CADPS2: variants seen among roughly 807,000 people sequenced by gnomAD.
CADPS2 encodes the protein calcium-dependent secretion activator 2.
CADPS2 carries 93 observed loss-of-function variants against 172.5 expected under a neutral mutation model. The observed-to-expected ratio is 0.54, with a 90% confidence interval of 0.46 to 0.64. The LOEUF is 0.64. Ranked by LOEUF, CADPS2 falls within the 30% of genes least tolerant of loss-of-function variation. CADPS2 has a pLI of 0.00. For missense variants in CADPS2, 1,420 were observed against 1,565.9 expected (o/e 0.91, Z 1.57); for synonymous variants, 546 against 555.2 (o/e 0.98, Z 0.23).
intron 2 of CADPS2, among the ~76,000 whole-genome samples, chr7:122,731,735 G>A (rs1403958209): frequency 6.6e-6 from 1 of 151,524 alleles, no homozygotes; most frequent in Non-Finnish European, 1.5e-5. Context: ...ACAACAATTA[G>A]GAACCGCAAA....
chr7:122,839,327 TAGA>T (rs1347032257), intron 1 of CADPS2, among the ~76,000 whole-genome samples: 2 of 152,016 alleles, frequency 1.3e-5, no homozygotes, highest in East Asian at 3.9e-4. Flanking sequence ...ATAAAAACCC[TAGA>T]AGAAAACCTA....
At chr7:122,567,152 T>G (rs995595471) in intron 7 of CADPS2, among the ~76,000 whole-genome samples, 1 of 152,160 alleles carries the variant, frequency 6.6e-6, no homozygotes, top group African/African-American at 2.4e-5. Flanking sequence ...GTTTCTTAAT[T>G]AATTATAGAT....
chr7:122,661,705 T>G (rs2080553078), intron 3 of CADPS2, among the ~76,000 whole-genome samples: 1 of 152,182 alleles, frequency 6.6e-6, no homozygotes, highest in African/African-American at 2.4e-5. Context: ...TTATATAGAC[T>G]TTAGCCACTA....
chr7:122,845,956 A>C (rs1811884034), intron 1 of CADPS2, among the ~76,000 whole-genome samples: 1 of 152,218 alleles, frequency 6.6e-6, no homozygotes, highest in African/African-American at 2.4e-5. Context: ...CTCATTCAAC[A>C]CAATGGTTAA....
intron 12 of CADPS2, among the ~76,000 whole-genome samples, chr7:122,475,972 T>C (rs893973206): frequency 2.6e-5 from 4 of 152,162 alleles, no homozygotes; most frequent in Admixed American, 2.0e-4. Flanking sequence ...TAATATACAA[T>C]TGAACTTCTT....
chr7:122,492,182 A>G (rs760792427), intron 9 of CADPS2, among the ~76,000 whole-genome samples: 167 of 152,122 alleles, frequency 1.1e-3, no homozygotes, highest in Middle Eastern at 3.4e-3. Flanking sequence ...AAAAATAAAT[A>G]AATGAATAAA....
chr7:122,594,378 A>G (rs1302858466), intron 6 of CADPS2, among the ~76,000 whole-genome samples: 6 of 135,862 alleles, frequency 4.4e-5, no homozygotes, highest in Non-Finnish European at 7.9e-5. Flanking sequence ...TGACTTTCAT[A>G]ATAAGAAAAA....
Position 122,554,672 on chromosome 7 carries a change from A to T in CADPS2, c.1353T>A (p.Thr451=). The T allele has an allele frequency of 6.2e-7, 1 of 1,608,688 alleles. No homozygotes were observed. The highest frequency in any genetic ancestry group is 2.2e-5 in the East Asian group (1 of 44,610). ...KELGRVILYP[T]SNSSKSAELH... is the part of the protein sequence containing the mutation. ...ATTCAGCTGATTTGGAGCTATTAGA[A>T]GTTGGGTATAATATCACCTGTATGG... Residue 451 remains threonine (T), a synonymous_variant, in exon 8 of 30, where the codon ACT becomes ACA. Transcript: ENST00000449022.
intron 1 of CADPS2, among the ~76,000 whole-genome samples, chr7:122,787,383 T>C (rs2139578610): frequency 6.6e-6 from 1 of 152,340 alleles, no homozygotes. Context: ...AGTTACTTGT[T>C]ATCAATTATA....
intron 2 of CADPS2, chr7:122,676,539 A>T (rs2082400300): frequency 7.1e-6 from 4 of 559,778 alleles, no homozygotes; most frequent in Non-Finnish European, 1.2e-5. Context: ...ATGTTCAAGC[A>T]GCAGTTGGAG....
In CADPS2 at chr7:122,663,551, G is replaced by T. The variant is rs774509494; in HGVS notation, c.472C>A (p.Arg158=). 1.3e-6 allele frequency: 2 copies of T among 1,582,650 alleles called. No individual in the cohort carries two copies. Among genetic ancestry groups the T allele is most frequent in the Non-Finnish European group, 1.7e-6 (2 of 1,162,688 alleles). Residue 158 remains arginine, a synonymous_variant, in exon 3 of 30, where the codon CGA becomes AGA. Coordinates refer to ENST00000449022, the MANE Select transcript of CADPS2 (RefSeq NM_017954.11). ...CCACTCTGTACCATTCTGGCCACTC[G>T]GTCACTCTTTAGAAAAACCTGAAAA... ...SYYEVFLKSD[R]VARMVQSGGC... is the part of the protein sequence containing the mutation.
At chr7:122,629,104 G>A in intron 4 of CADPS2, 144 bp downstream of exon 4, 1 of 504,306 alleles carries the variant, frequency 2.0e-6, no homozygotes, top group Admixed American at 3.8e-5. Context: ...AGATATTTGG[G>A]ATTAAGAGGT....
At chr7:122,671,057 C>A (rs2081790051) in intron 2 of CADPS2, among the ~76,000 whole-genome samples, 1 of 152,096 alleles carries the variant, frequency 6.6e-6, no homozygotes, top group Non-Finnish European at 1.5e-5. Context: ...GGAATTTCTT[C>A]CCCAGTTACC....
chr7:122,480,845 TA>T lies in CADPS2; in HGVS notation c.1861+6del. On this transcript the variant is annotated splice_donor_region_variant and intron_variant, in intron 12 of 29. Coordinates refer to ENST00000449022, the MANE Select transcript of CADPS2 (RefSeq NM_017954.11). ...CATCTAATTTTAAAAATCATGAAAATACTTACCTTTACCAGCTACAGGTCAG... is the reference window on the plus strand; with the variant it reads ...CATCTAATTTTAAAAATCATGAAAATCTTACCTTTACCAGCTACAGGTCAG... The T allele has an allele frequency of 2.0e-6, 3 of 1,516,188 alleles. No individual in the cohort carries two copies. Among genetic ancestry groups the T allele is most frequent in the Non-Finnish European group, 2.6e-6 (3 of 1,134,412 alleles). The allele number at this position is 1,516,188 out of a possible 1,614,324, so 93.9% of individuals were successfully genotyped here. A position where few individuals can be genotyped will look rare whatever the true frequency, so the allele number is the denominator to read the frequency against.
At chr7:122,841,589 A>C (rs1374421238) in intron 1 of CADPS2, among the ~76,000 whole-genome samples, 1 of 152,204 alleles carries the variant, frequency 6.6e-6, no homozygotes, top group African/African-American at 2.4e-5. Flanking sequence ...GTTTCTGTAA[A>C]GATACTAATT....
At chr7:122,701,619 C>T in intron 2 of CADPS2, 1 of 360,258 alleles carries the variant, frequency 2.8e-6, no homozygotes, top group Non-Finnish European at 4.9e-6. Context: ...ATAAAATTCA[C>T]CTAAAAAAAC....
At chr7:122,750,442 T>C (rs1588972043) in intron 1 of CADPS2, among the ~76,000 whole-genome samples, 2 of 152,272 alleles carry the variant, frequency 1.3e-5, no homozygotes, top group South Asian at 2.1e-4. Flanking sequence ...CCTCTTTCTA[T>C]GTCTTTGACA....
At position 122,451,425 on chromosome 7, in the gene CADPS2, T is replaced by C. The variant is rs753166699; in HGVS notation, c.2237A>G (p.Glu746Gly). 2.7e-5 allele frequency: 43 copies of C among 1,582,030 alleles called. No homozygotes were observed. The highest frequency in any genetic ancestry group is 3.3e-5 in the Non-Finnish European group (38 of 1,163,296). The change falls in exon 15 of 30, where the codon GAG becomes GGG. Residue 746 changes from glutamate (E) to glycine (G), a missense_variant. Transcript: ENST00000449022. ...AAGGGAAGAGAGTCTCTCTTTTATC[T>C]CCTCAAATCTTTCTTTTTCTTCCAC... ...VSVEEKERFEEIKERLSSLLE... is the reference protein window; with the variant it reads ...VSVEEKERFEGIKERLSSLLE...
chr7:122,631,527 C>T (rs574143096), intron 3 of CADPS2, among the ~76,000 whole-genome samples: 3 of 152,208 alleles, frequency 2.0e-5, no homozygotes, highest in East Asian at 3.9e-4. Flanking sequence ...GATCTTCCCG[C>T]CTCTGCCTTC....
Sources: gnomAD v4.1 joint callset for allele counts (sites outside exome capture counted in the v4.1 genomes callset) on GRCh38, gnomAD v4.1.1 for gene constraint, MANE v1.5 for transcripts, NCBI Gene and HGNC (gene_info 2026-07-23, HGNC 2026-07-21) for gene names.